SHISA9: variants seen among roughly 807,000 people sequenced by gnomAD.
The protein encoded by SHISA9 is protein shisa-9.
SHISA9 carries 13 observed loss-of-function variants against 38.0 expected under a neutral mutation model. The observed-to-expected ratio is 0.34, with a 90% CI of 0.22 to 0.54. The LOEUF is 0.54. SHISA9 is among the 20% of genes least tolerant of loss of function. The pLI, the probability that SHISA9 is intolerant of heterozygous loss-of-function variation, is 0.91. For synonymous variants in SHISA9, 275 were observed against 242.0 expected, an observed-to-expected ratio of 1.14 and a Z score of -1.27; for missense variants, 538 against 575.8, an observed-to-expected ratio of 0.93 and a Z score of 0.67.
intron 2 of SHISA9, among the ~76,000 whole-genome samples, chr16:13,160,910 C>T (rs1006366999): frequency 7.2e-5 from 11 of 152,086 alleles, no homozygotes; most frequent in African/African-American, 2.7e-4. Context: ...TGGATGGCTT[C>T]AAGGAAACAA....
At chr16:13,346,871 G>T in the SHISA9 span, among the ~76,000 whole-genome samples, 6 of 152,176 alleles carry the variant, frequency 3.9e-5, no homozygotes, top group Admixed American at 2.6e-4. Flanking sequence ...ATATGGTGGT[G>T]CTTGCGTGTG....
the SHISA9 span, among the ~76,000 whole-genome samples, chr16:13,377,823 T>A: frequency 6.6e-6 from 1 of 151,720 alleles, no homozygotes; most frequent in African/African-American, 2.4e-5. Context: ...AGGTCAGGAG[T>A]TCGAGACCAG....
the SHISA9 span, among the ~76,000 whole-genome samples, chr16:13,382,356 C>T: frequency 4.6e-5 from 7 of 150,718 alleles, no homozygotes; most frequent in Admixed American, 2.0e-4. Flanking sequence ...GGCAAAACCC[C>T]GTCTCTACTA....
At chr16:13,015,911 CTTTCTTTCT>C (rs1567182460) in intron 2 of SHISA9, among the ~76,000 whole-genome samples, 17 of 92,780 alleles carry the variant, frequency 1.8e-4, no homozygotes, top group Non-Finnish European at 2.7e-4. Flanking sequence ...TCTTTCTTTT[CTTTCTTTCT>C]CCTTCCTTCC....
intron 2 of SHISA9, among the ~76,000 whole-genome samples, chr16:13,015,500 C>G (rs1027627110): frequency 7.9e-5 from 12 of 152,212 alleles, no homozygotes; most frequent in African/African-American, 2.9e-4. Flanking sequence ...AGCCAGTATT[C>G]TTTACTCCAC....
the SHISA9 span, among the ~76,000 whole-genome samples, chr16:13,370,464 T>C: frequency 6.6e-6 from 1 of 152,210 alleles, no homozygotes; most frequent in African/African-American, 2.4e-5. Context: ...TATCTTGAAA[T>C]TAAAGAAAGT....
chr16:13,016,874 A>G (rs924645818), intron 2 of SHISA9, among the ~76,000 whole-genome samples: 1 of 152,174 alleles, frequency 6.6e-6, no homozygotes, highest in Non-Finnish European at 1.5e-5. Flanking sequence ...AAGGAGGGCA[A>G]TTTTGTCCTT....
Position 12,980,868 on chromosome 16 carries a change from C to A in SHISA9, c.691+64053C>A, listed in dbSNP as rs1490248843. On this transcript the variant is annotated intron_variant, in intron 2 of 4. Coordinates refer to ENST00000558583, the MANE Select transcript of SHISA9 (RefSeq NM_001145204.3). ...CATTCATTGTATTTTTTATTTCAAC[C>A]ATTATATTTTTCATGCCTGATATTT... 2.0e-5 allele frequency among the ~76,000 whole-genome samples: 3 copies of A among 151,678 alleles called. No homozygotes were observed. In the East Asian group the frequency reaches 5.8e-4, roughly 29 times the overall value.
At chr16:13,449,475 G>C in the SHISA9 span, among the ~76,000 whole-genome samples, 1 of 152,178 alleles carries the variant, frequency 6.6e-6, no homozygotes, top group African/African-American at 2.4e-5. Flanking sequence ...TTGGAAAGGA[G>C]CATGAGGGAA....
chr16:13,492,250 A>G, the SHISA9 span, among the ~76,000 whole-genome samples: 1 of 152,212 alleles, frequency 6.6e-6, no homozygotes, highest in South Asian at 2.1e-4. Flanking sequence ...ACTGGGGAAA[A>G]TGTGCTGGAG....
In SHISA9 at chr16:13,090,207, G is replaced by A. The variant is rs112307756; in HGVS notation, c.692-113187G>A. On this transcript the variant is annotated intron_variant, in intron 2 of 4. Coordinates refer to ENST00000558583, the MANE Select transcript of SHISA9 (RefSeq NM_001145204.3). ...TCTGTTCTTTTACAGTTGCTAAGGA[G>A]TGCTTTACTTCCAATTATGTGGTCA... 2.4e-3 allele frequency among the ~76,000 whole-genome samples: 371 copies of A among 152,306 alleles called. 2 individuals carry two copies. The highest frequency in any genetic ancestry group is 8.4e-3 in the African/African-American group (351 of 41,564).
At chr16:13,032,175 GC>G (rs1412517722) in intron 2 of SHISA9, among the ~76,000 whole-genome samples, 1 of 151,862 alleles carries the variant, frequency 6.6e-6, no homozygotes, top group African/African-American at 2.4e-5. Flanking sequence ...CCCTCCTCTT[GC>G]CCCCACCCCC....
At chr16:12,914,686 C>T (rs1414785495) in intron 1 of SHISA9, among the ~76,000 whole-genome samples, 5 of 152,176 alleles carry the variant, frequency 3.3e-5, no homozygotes, top group African/African-American at 1.2e-4. Context: ...GTCTCCTCAC[C>T]AGCTCTAGTT....
intron 2 of SHISA9, among the ~76,000 whole-genome samples, chr16:12,950,532 T>C (rs1191107833): frequency 6.6e-6 from 1 of 152,024 alleles, no homozygotes; most frequent in Non-Finnish European, 1.5e-5. Flanking sequence ...TTAGTGGTAA[T>C]GTAAATTAGT....
At chr16:12,983,810 C>T (rs140249638) in intron 2 of SHISA9, among the ~76,000 whole-genome samples, 20 of 152,244 alleles carry the variant, frequency 1.3e-4, no homozygotes, top group African/African-American at 2.9e-4. Flanking sequence ...TTAACTGCTC[C>T]GTTATTCACC....
the SHISA9 span, among the ~76,000 whole-genome samples, chr16:13,531,439 T>C: frequency 2.0e-5 from 3 of 152,170 alleles, no homozygotes; most frequent in African/African-American, 7.2e-5. Flanking sequence ...CCCCCAATCT[T>C]ACAGATGGGG....
At chr16:13,443,634 C>T in the SHISA9 span, among the ~76,000 whole-genome samples, 1 of 152,140 alleles carries the variant, frequency 6.6e-6, no homozygotes, top group Admixed American at 6.6e-5. Context: ...TCCCAAGCCC[C>T]TATGTTTTTA....
the SHISA9 span, among the ~76,000 whole-genome samples, chr16:13,515,905 G>T: frequency 2.6e-5 from 4 of 152,182 alleles, no homozygotes; most frequent in African/African-American, 7.2e-5. Context: ...AACTTAGCAT[G>T]TTTCACACAT....
In SHISA9 at chr16:12,965,328, C is replaced by T. The variant is rs189265192; in HGVS notation, c.691+48513C>T. Among the ~76,000 whole-genome samples the T allele has an allele frequency of 2.2e-3, 333 of 152,294 alleles. 4 individuals carry two copies. Among genetic ancestry groups the T allele is most frequent in the Admixed American group, 0.019 (296 of 15,276 alleles). ...TCCTTATATTCACAAAATTGTTCCACTATCACCACTGCCTAATTCCAGAGC... is the reference window on the plus strand; with the variant it reads ...TCCTTATATTCACAAAATTGTTCCATTATCACCACTGCCTAATTCCAGAGC... On this transcript the variant is annotated intron_variant, in intron 2 of 4. Coordinates refer to ENST00000558583, the MANE Select transcript of SHISA9 (RefSeq NM_001145204.3).
Sources: gnomAD v4.1 joint callset for allele counts (sites outside exome capture counted in the v4.1 genomes callset) on GRCh38, gnomAD v4.1.1 for gene constraint, MANE v1.5 for transcripts, NCBI Gene and HGNC (gene_info 2026-07-23, HGNC 2026-07-21) for gene names.